ANGPT2: variants seen among roughly 807,000 people sequenced by gnomAD.
The protein encoded by ANGPT2 is angiopoietin 2, also known as angiopoietin-2.
ANGPT2 carries 28 observed loss-of-function variants against 62.9 expected under a neutral mutation model. That is an observed-to-expected ratio of 0.44 (90% CI 0.33 to 0.61). ANGPT2 has a LOEUF of 0.61. Ranked by LOEUF, ANGPT2 falls within the 20% of genes least tolerant of loss-of-function variation. The pLI, the probability that ANGPT2 is intolerant of heterozygous loss-of-function variation, is 0.03. For synonymous variants in ANGPT2, 284 were observed against 207.8 expected (o/e 1.37, Z -3.15); for missense variants, 727 against 594.9 (o/e 1.22, Z -2.31).
At chr8:6,523,650 C>T (rs553308066) in intron 3 of ANGPT2, among the ~76,000 whole-genome samples, 6 of 152,176 alleles carry the variant, frequency 3.9e-5, no homozygotes, top group South Asian at 4.2e-4. Flanking sequence ...TGTGCAGTGG[C>T]GCGATCTCAG....
At chr8:6,555,626 T>A (rs1281681167) in intron 1 of ANGPT2, among the ~76,000 whole-genome samples, 1 of 151,698 alleles carries the variant, frequency 6.6e-6, no homozygotes, top group East Asian at 1.9e-4. Flanking sequence ...CACGCCTGGG[T>A]GATTTTTATA....
chr8:6,550,347 G>T (rs1823414829), intron 1 of ANGPT2, among the ~76,000 whole-genome samples: 1 of 152,162 alleles, frequency 6.6e-6, no homozygotes, highest in Non-Finnish European at 1.5e-5. Flanking sequence ...AGTGTGGCGT[G>T]GGGCTGTTGC....
At chr8:6,506,520 C>T (rs545401486) in intron 8 of ANGPT2, among the ~76,000 whole-genome samples, 48 of 152,192 alleles carry the variant, frequency 3.2e-4, no homozygotes, top group Non-Finnish European at 4.4e-4. Context: ...TAAGCACACC[C>T]TTCTCAAGGA....
At chr8:6,508,548 ATAATC>A in intron 8 of ANGPT2, 1 of 304,612 alleles carries the variant, frequency 3.3e-6, no homozygotes, top group East Asian at 6.0e-5. Context: ...AAATATTTCT[ATAATC>A]TATATTACTG....
At chr8:6,556,812 C>T (rs1445866381) in intron 1 of ANGPT2, among the ~76,000 whole-genome samples, 1 of 152,042 alleles carries the variant, frequency 6.6e-6, no homozygotes, top group Non-Finnish European at 1.5e-5. Context: ...TGGTCTTGAA[C>T]TCCTGGCCTC....
chr8:6,532,492 A>C lies in ANGPT2; in HGVS notation c.289-5T>G. The stretch of plus-strand genomic sequence containing the variant: ...GTCCTGGATATAATTCTCAAGCTAG[A>C]AAAGAACAGTGTTAGAAGGCAGTCA... On this transcript the variant is annotated splice_polypyrimidine_tract_variant and splice_region_variant and intron_variant, in intron 1 of 8. Transcript: ENST00000629816. 6.2e-7 allele frequency: 1 copy of C among 1,610,834 alleles called. No homozygotes were observed. The highest frequency in any genetic ancestry group is 8.5e-7 in the Non-Finnish European group (1 of 1,178,558).
At chr8:6,556,541 T>C (rs3020234) in intron 1 of ANGPT2, among the ~76,000 whole-genome samples, 20,080 of 152,134 alleles carry the variant, frequency 0.13, 3,657 homozygotes, top group African/African-American at 0.41. Context: ...CAGCACATAC[T>C]AGCTGCTGCT....
At chr8:6,503,515 C>G (rs1283978108) in intron 8 of ANGPT2, among the ~76,000 whole-genome samples, 1 of 152,108 alleles carries the variant, frequency 6.6e-6, no homozygotes, top group Non-Finnish European at 1.5e-5. Context: ...TGTGGAGAGG[C>G]CTGAATTCTC....
chr8:6,511,830 T>C (rs1815173643), intron 7 of ANGPT2, among the ~76,000 whole-genome samples: 1 of 152,168 alleles, frequency 6.6e-6, no homozygotes, highest in South Asian at 2.1e-4. Context: ...AATGTCAGCG[T>C]ACAAGGGTAA....
intron 1 of ANGPT2, among the ~76,000 whole-genome samples, chr8:6,544,513 CT>C (rs1822188466): frequency 6.6e-6 from 1 of 152,140 alleles, no homozygotes; most frequent in African/African-American, 2.4e-5. Context: ...AAAATACCAG[CT>C]CTAGGGATGT....
chr8:6,541,478 G>C (rs551459923), intron 1 of ANGPT2, among the ~76,000 whole-genome samples: 1 of 152,302 alleles, frequency 6.6e-6, no homozygotes, highest in East Asian at 1.9e-4. Flanking sequence ...GGCAGGCCTG[G>C]AGACAGGAAA....
At chr8:6,545,299 T>C (rs1822375577) in intron 1 of ANGPT2, among the ~76,000 whole-genome samples, 4 of 152,212 alleles carry the variant, frequency 2.6e-5, no homozygotes, top group Admixed American at 2.6e-4. Context: ...TTAAAAGTTA[T>C]CAAGCTGTAA....
chr8:6,551,567 A>C (rs973902388), intron 1 of ANGPT2, among the ~76,000 whole-genome samples: 1 of 152,152 alleles, frequency 6.6e-6, no homozygotes, highest in Admixed American at 6.6e-5. Context: ...AATTTTTTTT[A>C]ACTCATAACA....
intron 8 of ANGPT2, among the ~76,000 whole-genome samples, chr8:6,506,408 A>C (rs570459645): frequency 6.6e-6 from 1 of 152,154 alleles, no homozygotes; most frequent in South Asian, 2.1e-4. Flanking sequence ...TTACATTCTC[A>C]GTCCCTAAAT....
At chr8:6,557,654 A>AT (rs1345961559) in intron 1 of ANGPT2, among the ~76,000 whole-genome samples, 8 of 150,632 alleles carry the variant, frequency 5.3e-5, no homozygotes, top group Admixed American at 4.0e-4. Flanking sequence ...ACAAATATAT[A>AT]TTTTTTATAT....
intron 8 of ANGPT2, 120 bp from the exon 9 acceptor site, chr8:6,503,381 G>C: frequency 1.0e-6 from 1 of 962,680 alleles, no homozygotes; most frequent in Non-Finnish European, 1.6e-6. Flanking sequence ...GGCACATGCA[G>C]ATGATGGTGA....
At chr8:6,518,117 C>T (rs1327154684) in intron 5 of ANGPT2, among the ~76,000 whole-genome samples, 1 of 152,142 alleles carries the variant, frequency 6.6e-6, no homozygotes. Flanking sequence ...GGGTGGGAAG[C>T]TTGCACTTAG....
chr8:6,505,272 G>GTA (rs1813153984), intron 8 of ANGPT2, among the ~76,000 whole-genome samples: 2 of 21,938 alleles, frequency 9.1e-5, no homozygotes, highest in Non-Finnish European at 1.7e-4. Flanking sequence ...TTATATATAT[G>GTA]TATACATATA....
intron 1 of ANGPT2, among the ~76,000 whole-genome samples, chr8:6,555,848 T>C (rs902364383): frequency 6.6e-6 from 1 of 152,226 alleles, no homozygotes; most frequent in Non-Finnish European, 1.5e-5. Flanking sequence ...AGGTGGAATT[T>C]CTTATCGTTC....
Sources: allele counts gnomAD v4.1 joint callset (sites outside exome capture counted in the v4.1 genomes callset), GRCh38; gene constraint gnomAD v4.1.1; transcripts MANE v1.5; gene names NCBI Gene and HGNC (gene_info 2026-07-23, HGNC 2026-07-21).